Variants in PCDHA8 observed in about 807,000 individuals in gnomAD.
PCDHA8 encodes the protein protocadherin alpha 8, also known as protocadherin alpha-8.
A neutral mutation model predicts 61.8 loss-of-function variants in PCDHA8; 53 were observed. That is an observed-to-expected ratio of 0.86 (90% CI 0.69 to 1.08). The LOEUF is 1.08. Among genes scored for constraint, PCDHA8 ranks in the 50% least tolerant of loss-of-function variants. The pLI is 0.00. For missense variants in PCDHA8, 1,293 were observed against 1,245.0 expected, an observed-to-expected ratio of 1.04 and a Z score of -0.58; for synonymous variants, 618 against 556.6, an observed-to-expected ratio of 1.11 and a Z score of -1.55.
At chr5:140,884,907 C>T (rs1263861482) in intron 1 of PCDHA8, among the ~76,000 whole-genome samples, 2 of 152,148 alleles carry the variant, frequency 1.3e-5, no homozygotes, top group Non-Finnish European at 2.9e-5. Flanking sequence ...CTGTTGTATT[C>T]TTAATAGTTC....
intron 1 of PCDHA8, chr5:140,871,274 C>T (rs1554165360): frequency 6.2e-7 from 1 of 1,613,824 alleles, no homozygotes; most frequent in East Asian, 2.2e-5. Flanking sequence ...TGGTGGTCGG[C>T]AACGCCCACT....
intron 1 of PCDHA8, chr5:140,858,078 C>T (rs782110139): frequency 6.3e-7 from 1 of 1,597,798 alleles, no homozygotes; most frequent in South Asian, 1.1e-5. Context: ...GCACCCAAGG[C>T]CTCGTCGCGG....
intron 1 of PCDHA8, among the ~76,000 whole-genome samples, chr5:140,879,240 C>T (rs1266442175): frequency 6.6e-6 from 1 of 152,134 alleles, no homozygotes; most frequent in Non-Finnish European, 1.5e-5. Flanking sequence ...ACAAGAGGCA[C>T]TGGCAAAGTA....
intron 1 of PCDHA8, among the ~76,000 whole-genome samples, chr5:140,896,952 T>G (rs2153454853): frequency 6.6e-6 from 1 of 152,352 alleles, no homozygotes; most frequent in East Asian, 1.9e-4. Context: ...GCCATTCCCT[T>G]AAACATTTAT....
intron 1 of PCDHA8, chr5:140,850,605 A>T (rs2041706241): frequency 6.3e-7 from 1 of 1,598,464 alleles, no homozygotes; most frequent in African/African-American, 1.3e-5. Flanking sequence ...GATCATCGCC[A>T]TCTGCGCGGT....
chr5:140,944,909 C>A (rs1320536064), intron 1 of PCDHA8, among the ~76,000 whole-genome samples: 1 of 152,136 alleles, frequency 6.6e-6, no homozygotes, highest in African/African-American at 2.4e-5. Flanking sequence ...CCACAAACTT[C>A]TCTTTATATT....
chr5:140,914,758 C>T (rs1435498037), intron 1 of PCDHA8, among the ~76,000 whole-genome samples: 3 of 151,912 alleles, frequency 2.0e-5, no homozygotes, highest in Non-Finnish European at 4.4e-5. Context: ...TTTGAGGTTA[C>T]ATGAGGTTTA....
intron 1 of PCDHA8, among the ~76,000 whole-genome samples, chr5:140,949,473 G>A (rs2094384488): frequency 6.6e-6 from 1 of 151,492 alleles, no homozygotes; most frequent in South Asian, 2.1e-4. Flanking sequence ...CCTGTTATTA[G>A]GCACACACAT....
rs556783584 is a variant in PCDHA8 at position 140,882,446 on chromosome 5, G to A, written c.2394+38731G>A. ...CCTGGGGCTGGAGCTGGCGGAGCTG[G>A]TGCCGCGCCTGTTCCGGGTGGCGTC... On this transcript the variant is annotated intron_variant, in intron 1 of 3. Coordinates refer to ENST00000531613, the MANE Select transcript of PCDHA8 (RefSeq NM_018911.3). 1.9e-5 allele frequency: 30 copies of A among 1,614,042 alleles called. No individual in the cohort carries two copies. The highest frequency in any genetic ancestry group is 1.0e-4 in the Admixed American group (6 of 60,036).
chr5:140,894,098 T>C (rs1025974161), intron 1 of PCDHA8, among the ~76,000 whole-genome samples: 2 of 152,178 alleles, frequency 1.3e-5, no homozygotes, highest in Non-Finnish European at 2.9e-5. Flanking sequence ...TTCTAGCTCC[T>C]GGTGTTGCAG....
intron 1 of PCDHA8, chr5:140,856,501 T>C (rs781967300): frequency 6.3e-7 from 1 of 1,598,302 alleles, no homozygotes; most frequent in Admixed American, 1.7e-5. Flanking sequence ...ACTCTCGATT[T>C]CCACTAGAAG....
intron 1 of PCDHA8, among the ~76,000 whole-genome samples, chr5:140,902,107 T>G (rs2069104126): frequency 6.6e-6 from 1 of 152,174 alleles, no homozygotes; most frequent in African/African-American, 2.4e-5. Flanking sequence ...CTTTAGATTT[T>G]TTTAAAACTG....
rs527413028 is a variant in PCDHA8, at chr5:140,920,520, G to A, written c.2395-58429G>A. Among the ~76,000 whole-genome samples, 10 of 152,176 alleles carry A rather than the reference G, an allele frequency of 6.6e-5. No homozygotes were observed. In the South Asian group the frequency reaches 1.7e-3, roughly 25 times the overall value. ...TTCTACATACTGTTTTATGCAATTCGTTAGACTCAGGTTTTCTATTTCACC... is the reference window on the plus strand; with the variant it reads ...TTCTACATACTGTTTTATGCAATTCATTAGACTCAGGTTTTCTATTTCACC... On this transcript the variant is annotated intron_variant, in intron 1 of 3. Transcript: ENST00000531613.
At chr5:141,004,186 C>T (rs1554259505) in intron 3 of PCDHA8, among the ~76,000 whole-genome samples, 1 of 152,240 alleles carries the variant, frequency 6.6e-6, no homozygotes, top group Non-Finnish European at 1.5e-5. Flanking sequence ...CTTGAGTGCT[C>T]TTAACCAAAA....
intron 1 of PCDHA8, among the ~76,000 whole-genome samples, chr5:140,887,801 G>C (rs1377550372): frequency 1.3e-5 from 2 of 151,856 alleles, no homozygotes; most frequent in Admixed American, 1.3e-4. Context: ...CTTTATTTTT[G>C]TCCATTTCTT....
At chr5:140,894,973 C>G (rs1297295605) in intron 1 of PCDHA8, among the ~76,000 whole-genome samples, 1 of 152,076 alleles carries the variant, frequency 6.6e-6, no homozygotes, top group Non-Finnish European at 1.5e-5. Context: ...TTTTTAATGT[C>G]TTACTTTGTG....
intron 1 of PCDHA8, chr5:140,927,106 A>G: frequency 6.2e-7 from 1 of 1,613,678 alleles, no homozygotes; most frequent in Non-Finnish European, 8.5e-7. Context: ...GGATCTACCC[A>G]GCGGCAATTT....
chr5:140,990,990 A>G (rs1269528161), intron 3 of PCDHA8, among the ~76,000 whole-genome samples: 1 of 152,210 alleles, frequency 6.6e-6, no homozygotes, highest in East Asian at 1.9e-4. Flanking sequence ...GACAATAGCT[A>G]CCATTTATTG....
chr5:140,888,533 T>C (rs2061866119), intron 1 of PCDHA8, among the ~76,000 whole-genome samples: 1 of 152,228 alleles, frequency 6.6e-6, no homozygotes, highest in South Asian at 2.1e-4. Flanking sequence ...TGAAGTTAAG[T>C]TGCTCAGTAC....
Sources: allele counts gnomAD v4.1 joint callset (sites outside exome capture counted in the v4.1 genomes callset), GRCh38; gene constraint gnomAD v4.1.1; transcripts MANE v1.5; gene names NCBI Gene and HGNC (gene_info 2026-07-23, HGNC 2026-07-21).